The following IL2RB variants were observed in gnomAD, a reference collection of about 807,000 sequenced individuals.
IL2RB encodes the protein interleukin 2 receptor subunit beta, also known as interleukin-2 receptor subunit beta.
Under a neutral mutation model 44.2 loss-of-function variants are expected in IL2RB, and 17 were observed. That is an observed-to-expected ratio of 0.38 (90% confidence interval 0.26 to 0.58). IL2RB has a LOEUF of 0.58. IL2RB is among the 20% of genes least tolerant of loss of function. The pLI, the probability that IL2RB is intolerant of heterozygous loss-of-function variation, is 0.63. For missense variants in IL2RB, 624 were observed against 685.5 expected (o/e 0.91, Z 1.00); for synonymous variants, 286 against 297.9 (o/e 0.96, Z 0.41).
At chr22:37,132,291 C>T (rs765494556) in intron 9 of IL2RB, 93 bp downstream of exon 9, 65 of 960,270 alleles carry the variant, frequency 6.8e-5, no homozygotes, top group Admixed American at 6.1e-4. Context: ...GTTTTGTCTC[C>T]TCTCACAAAA....
At chr22:37,135,743 C>G (rs1921657855) in intron 7 of IL2RB, among the ~76,000 whole-genome samples, 1 of 151,770 alleles carries the variant, frequency 6.6e-6, no homozygotes, top group African/African-American at 2.4e-5. Flanking sequence ...CTGCACCCCT[C>G]TCTCCACCTC....
At chr22:37,160,789 G>A (rs1922838284) in intron 1 of IL2RB, among the ~76,000 whole-genome samples, 1 of 151,876 alleles carries the variant, frequency 6.6e-6, no homozygotes, top group Non-Finnish European at 1.5e-5. Context: ...AGCAGAGGTT[G>A]CAGTGAGATC....
rs558429512 is a variant in IL2RB, at chr22:37,141,048, C to T, written c.282+1386G>A. Among the ~76,000 whole-genome samples, 16 of 152,276 alleles carry T rather than the reference C, an allele frequency of 1.1e-4. No individual in the cohort carries two copies. The highest frequency in any genetic ancestry group is 3.6e-4 in the African/African-American group (15 of 41,562). On this transcript the variant is annotated intron_variant, in intron 4 of 9. Transcript: ENST00000216223. This position sits in a 1 kb window ranked among gnomAD's most constrained non-coding sequence, Gnocchi z 4.4. ...GGCGTAGCTGGGGTCTCCTGCTCCA[C>T]GGAGCAGGTAGGAGCCCTGCCCTCC...
chr22:37,136,099 G>A, intron 7 of IL2RB, 129 bp downstream of exon 7: 1 of 1,010,790 alleles, frequency 9.9e-7, no homozygotes, highest in Non-Finnish European at 1.4e-6. Context: ...CCCCCTGCAG[G>A]GTTACAGCAA....
chr22:37,129,311 A>T (rs73406942), intron 9 of IL2RB, among the ~76,000 whole-genome samples: 2,282 of 152,306 alleles, frequency 0.015, 54 homozygotes, highest in African/African-American at 0.052. Flanking sequence ...ATGCCCAGAG[A>T]CGGGACATGC....
At chr22:37,149,977 G>T, upstream of IL2RB, 7 of 925,682 alleles carry the variant, frequency 7.6e-6, no homozygotes, top group Non-Finnish European at 9.0e-6. Flanking sequence ...GCAGAGGATA[G>T]AGGGGCAAGG....
intron 8 of IL2RB, among the ~76,000 whole-genome samples, chr22:37,134,434 G>A (rs1485536224): frequency 2.0e-5 from 3 of 152,048 alleles, no homozygotes; most frequent in Non-Finnish European, 2.9e-5. Flanking sequence ...GTGAAACCCC[G>A]TCTGTACTAA....
At chr22:37,166,656 G>A (rs1238735928) in intron 1 of IL2RB, 2 of 152,240 alleles carry the variant, frequency 1.3e-5, no homozygotes, top group South Asian at 2.1e-4. Flanking sequence ...AATTGAGTTA[G>A]AAAACAGCAG....
In IL2RB at chr22:37,136,242, C is replaced by T. The variant is rs1921688169; in HGVS notation, c.689G>A (p.Arg230Lys). 1.9e-6 allele frequency: 3 copies of T among 1,610,904 alleles called. No homozygotes were observed. In the South Asian group the frequency reaches 3.3e-5, roughly 18 times the overall value. Residue 230 changes from arginine to lysine, a missense_variant, in exon 7 of 10, where the codon AGG becomes AAG. This residue lies in a region of IL2RB where 255 missense variants were observed against 339.9 expected (regional missense o/e 0.75). Transcript: ENST00000216223. ...CCCACCAGTACCTGCAGGCTTTGTC[C>T]TGAAGGCCAGGGGCTGGCTCCAGGG... ...WSPWSQPLAF[R>K]TKPAALGKDT...
chr22:37,170,570 A>G (rs777683325), intron 1 of IL2RB, among the ~76,000 whole-genome samples: 3 of 152,058 alleles, frequency 2.0e-5, no homozygotes, highest in Non-Finnish European at 4.4e-5. Flanking sequence ...CCAAGCCTCC[A>G]TCCCTCTCTG....
intron 1 of IL2RB, among the ~76,000 whole-genome samples, chr22:37,165,425 C>G (rs1923033854): frequency 6.6e-6 from 1 of 152,294 alleles, no homozygotes; most frequent in African/African-American, 2.4e-5. Context: ...AAGGTAGGAA[C>G]ACCTGCCAGT....
intron 1 of IL2RB, among the ~76,000 whole-genome samples, chr22:37,145,256 T>A (rs1470990653): frequency 2.0e-5 from 3 of 152,044 alleles, no homozygotes; most frequent in Non-Finnish European, 4.4e-5. Flanking sequence ...ACACTCGTAC[T>A]CCCCTACCTG....
intron 4 of IL2RB, 109 bp from the exon 5 acceptor site, chr22:37,139,331 C>T: frequency 1.4e-6 from 1 of 699,724 alleles, no homozygotes; most frequent in South Asian, 1.7e-5. Flanking sequence ...CATGCCCCGC[C>T]ACCCAAGGCA....
chr22:37,132,605 G>A (rs1921490746), intron 8 of IL2RB, 137 bp from the exon 9 acceptor site: 1 of 649,004 alleles, frequency 1.5e-6, no homozygotes, highest in Admixed American at 2.5e-5. Context: ...CCGATACTAA[G>A]TGTTCACTGT....
chr22:37,132,280 C>T (rs948432025), intron 9 of IL2RB, 104 bp downstream of exon 9: 11 of 806,708 alleles, frequency 1.4e-5, no homozygotes, highest in Admixed American at 4.4e-5. Flanking sequence ...CTCACTTCGG[C>T]GTTTTGTCTC....
intron 8 of IL2RB, among the ~76,000 whole-genome samples, chr22:37,134,265 T>C (rs1324365247): frequency 6.6e-6 from 1 of 152,200 alleles, no homozygotes; most frequent in African/African-American, 2.4e-5. Context: ...CTAAAGTCTC[T>C]GGGAGGGTGT....
chr22:37,135,973 T>C (rs1379528267), intron 7 of IL2RB, among the ~76,000 whole-genome samples: 1 of 151,376 alleles, frequency 6.6e-6, no homozygotes, highest in Non-Finnish European at 1.5e-5. Flanking sequence ...AAACCAGGAG[T>C]TGGAGATTTC....
At position 37,128,033 on chromosome 22, in the gene IL2RB, CA is replaced by C; in HGVS notation, c.*62del. 1 of 1,358,288 alleles carries C rather than the reference CA, an allele frequency of 7.4e-7. No individual in the cohort carries two copies. The highest frequency in any genetic ancestry group is 1.7e-5 in the South Asian group (1 of 59,174). The allele number at this position is 1,358,288 out of a possible 1,614,324, so 84.1% of individuals were successfully genotyped here. ...TCAGCAGTGGACTGAGGACCCTCAA[CA>C]GGGTCCTTCTGAGGCTCGGCGCAGA... On this transcript the variant is annotated 3_prime_UTR_variant, in exon 10 of 10. Transcript: ENST00000216223. The surrounding 1 kb of genome is among the most constrained non-coding windows in gnomAD (Gnocchi z 4.5).
chr22:37,138,060 G>T (rs1031469496), intron 5 of IL2RB, among the ~76,000 whole-genome samples: 4 of 152,160 alleles, frequency 2.6e-5, no homozygotes, highest in African/African-American at 4.8e-5. Flanking sequence ...CTCCTTGAGG[G>T]CAGGGACTTG....
Sources: gnomAD v4.1 joint callset for allele counts (sites outside exome capture counted in the v4.1 genomes callset) on GRCh38, gnomAD v4.1.1 for gene constraint, gnomAD v4.1.1 regional missense constraint, Gnocchi (gnomAD v3.1) non-coding constraint, MANE v1.5 for transcripts, NCBI Gene and HGNC (gene_info 2026-07-23, HGNC 2026-07-21) for gene names.